BRMS1: variants seen among roughly 807,000 people sequenced by gnomAD.
BRMS1 encodes BRMS1 transcriptional repressor and anoikis regulator.
In BRMS1, 26 loss-of-function variants were observed where a neutral mutation model predicts 40.4. The observed-to-expected ratio is 0.64, with a 90% CI of 0.47 to 0.89. The LOEUF (loss-of-function observed/expected upper bound fraction) is 0.89, where lower values mean the gene tolerates loss of function less well. BRMS1 is among the 40% of genes least tolerant of loss of function. The pLI is 0.00. For synonymous variants in BRMS1, 103 were observed against 116.0 expected (o/e 0.89, Z 0.72); for missense variants, 289 against 309.4 (o/e 0.93, Z 0.49).
In BRMS1 at chr11:66,342,129, C is replaced by T. The variant is rs1159239724; in HGVS notation, c.106G>A (p.Gly36Ser). The T allele has an allele frequency of 3.2e-5, 52 of 1,613,598 alleles. No homozygotes were observed. Among genetic ancestry groups the T allele is most frequent in the Non-Finnish European group, 4.2e-5 (49 of 1,180,002 alleles). The change falls in exon 2 of 10, where the codon GGC becomes AGC. Residue 36 changes from glycine to serine, a missense_variant. Gly to Ser is a moderately conservative substitution (Grantham distance 56). Coordinates refer to ENST00000359957, the MANE Select transcript of BRMS1 (RefSeq NM_015399.4). ...TCCTCTTCTGACTCTGTCTGGCTGC[C>T]GCTCCGCTCCTCCTCACTCTCTTCC... Reference protein sequence around the residue: ...EEEESEEERSGSQTESEEESS... With the variant: ...EEEESEEERSSSQTESEEESS...
intron 1 of BRMS1, among the ~76,000 whole-genome samples, chr11:66,344,433 C>T (rs1261319077): frequency 1.3e-5 from 2 of 152,198 alleles, no homozygotes; most frequent in African/African-American, 2.4e-5. Flanking sequence ...TTCATCTTCC[C>T]GTTATCAAGC....
At chr11:66,344,214 T>C (rs748673906) in intron 1 of BRMS1, among the ~76,000 whole-genome samples, 3 of 152,198 alleles carry the variant, frequency 2.0e-5, no homozygotes, top group Non-Finnish European at 4.4e-5. Context: ...GATTTGCAAA[T>C]ACAAATTTAA....
chr11:66,343,891 C>A (rs1277654493), intron 1 of BRMS1, among the ~76,000 whole-genome samples: 1 of 152,118 alleles, frequency 6.6e-6, no homozygotes, highest in Non-Finnish European at 1.5e-5. Context: ...CCAAGTACTG[C>A]CAAGGAGTAA....
At position 66,341,850 on chromosome 11, in the gene BRMS1, CGTGTACTTGTGTGAAGGGGCTGTGTGTGT is replaced by C. The variant is rs1855088709; in HGVS notation, c.139+217_140-228del. On this transcript the variant is annotated intron_variant, in intron 2 of 9. Coordinates refer to ENST00000359957, the MANE Select transcript of BRMS1 (RefSeq NM_015399.4). This position sits in a 1 kb window ranked among gnomAD's most constrained non-coding sequence, Gnocchi z 4.9. ...TGCTTGTGTGAAGGGGCTGTGTGCA[CGTGTACTTGTGTGAAGGGGCTGTGTGTGT>C]GCATACGTGCTTGTGTGTAGGGGCT... is the stretch of plus-strand genomic sequence containing the variant. The C allele has an allele frequency of 1.7e-6, 1 of 601,744 alleles. No individual in the cohort carries two copies. Among genetic ancestry groups the C allele is most frequent in the Non-Finnish European group, 2.9e-6 (1 of 340,826 alleles). 37.3% of individuals were successfully genotyped at this position (601,744 alleles called of 1,614,324 possible). A position where few individuals can be genotyped will look rare whatever the true frequency, so the allele number is the denominator to read the frequency against.
Position 66,341,377 on chromosome 11 carries a change from C to A in BRMS1, c.231-44G>T, listed in dbSNP as rs761069954. ...GCCGTGCACCCATTTGCTCACCCATCGCTCTTGGGCAAACACATACCCAGC... is the reference window on the plus strand; with the variant it reads ...GCCGTGCACCCATTTGCTCACCCATAGCTCTTGGGCAAACACATACCCAGC... On this transcript the variant is annotated intron_variant, in intron 3 of 9. Coordinates refer to ENST00000359957, the MANE Select transcript of BRMS1 (RefSeq NM_015399.4). The surrounding 1 kb of genome is among the most constrained non-coding windows in gnomAD (Gnocchi z 4.9). 1 of 1,602,938 alleles carries A rather than the reference C, an allele frequency of 6.2e-7. No homozygotes were observed. Among genetic ancestry groups the A allele is most frequent in the African/African-American group, 1.3e-5 (1 of 74,834 alleles).
intron 7 of BRMS1, 100 bp from the exon 8 acceptor site, chr11:66,338,885 G>T: frequency 1.6e-6 from 2 of 1,263,240 alleles, no homozygotes; most frequent in Non-Finnish European, 2.2e-6. Context: ...ACAGCATGGA[G>T]TGGGAGCTGA....
chr11:66,339,243 C>A (rs1855011423), intron 7 of BRMS1, among the ~76,000 whole-genome samples: 1 of 152,200 alleles, frequency 6.6e-6, no homozygotes, highest in African/African-American at 2.4e-5. Flanking sequence ...CTCTCCAGCA[C>A]CAGGTTGCCA....
chr11:66,344,031 C>T (rs960535260), intron 1 of BRMS1, among the ~76,000 whole-genome samples: 1 of 152,186 alleles, frequency 6.6e-6, no homozygotes, highest in Non-Finnish European at 1.5e-5. Context: ...CTGGACACTG[C>T]TTTGTAGTCC....
Position 66,341,343 on chromosome 11 carries a change from A to G in BRMS1, c.231-10T>C. The G allele has an allele frequency of 6.2e-7, 1 of 1,610,380 alleles. No homozygotes were observed. The highest frequency in any genetic ancestry group is 1.1e-5 in the South Asian group (1 of 90,932). ...TCGTTCCCTGAACAACCTGCGTGGT[A>G]AAAAGGCAGCCGTGCACCCATTTGC... On this transcript the variant is annotated splice_polypyrimidine_tract_variant and intron_variant, in intron 3 of 9. Transcript: ENST00000359957. This position sits in a 1 kb window ranked among gnomAD's most constrained non-coding sequence, Gnocchi z 4.9.
Position 66,342,263 on chromosome 11 carries a change from T to C in BRMS1, c.-7-22A>G, listed in dbSNP as rs376892639. On this transcript the variant is annotated intron_variant, in intron 1 of 9. Transcript: ENST00000359957. ...GACTCTGGGAGAAGGAATGGAGCTA[T>C]CACTTATGGCTGCCCACAGCTCAGA... 9 of 1,609,636 alleles carry C rather than the reference T, an allele frequency of 5.6e-6. No individual in the cohort carries two copies. In the African/African-American group the frequency reaches 1.1e-4, roughly 19 times the overall value.
At chr11:66,338,984 C>G (rs1855005282) in intron 7 of BRMS1, among the ~76,000 whole-genome samples, 199 bp from the exon 8 acceptor site, 1 of 152,112 alleles carries the variant, frequency 6.6e-6, no homozygotes, top group Non-Finnish European at 1.5e-5. Context: ...TGGAGGACAC[C>G]AAATGTTGTT....
Position 66,340,221 on chromosome 11 carries a change from G to A in BRMS1, c.536-8C>T, listed in dbSNP as rs202046882. ...GTTTGTCATCCCACCATTCTGCCCCGAGACCCAGAGTTAGAATTGGGGTGC... is the reference window on the plus strand; with the variant it reads ...GTTTGTCATCCCACCATTCTGCCCCAAGACCCAGAGTTAGAATTGGGGTGC... On this transcript the variant is annotated splice_region_variant and splice_polypyrimidine_tract_variant and intron_variant, in intron 6 of 9. Coordinates refer to ENST00000359957, the MANE Select transcript of BRMS1 (RefSeq NM_015399.4). 5.1e-4 allele frequency: 816 copies of A among 1,611,902 alleles called. 1 individual carries two copies. Among genetic ancestry groups the A allele is most frequent in the Middle Eastern group, 3.6e-3 (22 of 6,052 alleles).
intron 6 of BRMS1, 44 bp downstream of exon 6, chr11:66,340,730 C>CT: frequency 6.5e-7 from 1 of 1,541,694 alleles, no homozygotes; most frequent in South Asian, 1.1e-5. Flanking sequence ...TGGGCGTGGA[C>CT]TGAGCGGGGC....
At chr11:66,339,315 C>T (rs1227018564) in intron 7 of BRMS1, among the ~76,000 whole-genome samples, 1 of 152,206 alleles carries the variant, frequency 6.6e-6, no homozygotes, top group East Asian at 1.9e-4. Flanking sequence ...TCAGCTCTGC[C>T]AGGACAGATG....
intron 8 of BRMS1, chr11:66,338,511 C>T (rs554925941): frequency 4.3e-5 from 63 of 1,472,014 alleles, no homozygotes; most frequent in Middle Eastern, 1.8e-4. Context: ...TGCCCCAGAA[C>T]GGGAAGGGGC....
At chr11:66,338,308 CCT>C (rs779741471) in intron 8 of BRMS1, 26 bp from the exon 9 acceptor site, 30 of 1,598,124 alleles carry the variant, frequency 1.9e-5, no homozygotes, top group Non-Finnish European at 2.5e-5. Flanking sequence ...GAAAAGCTCC[CCT>C]GAGAGCCCAC....
intron 5 of BRMS1, 39 bp downstream of exon 5, chr11:66,340,928 G>C (rs1238979192): frequency 6.2e-7 from 1 of 1,613,406 alleles, no homozygotes; most frequent in Non-Finnish European, 8.5e-7. Flanking sequence ...TTCAGGCTTT[G>C]TGCCCTGCCT....
intron 7 of BRMS1, chr11:66,339,830 G>A (rs1437576059): frequency 1.3e-5 from 4 of 316,596 alleles, no homozygotes; most frequent in Non-Finnish European, 2.4e-5. Context: ...AAGAACTCCT[G>A]GGCCCGAGCA....
In BRMS1 at chr11:66,345,057, C is replaced by T. The variant is rs373195934; in HGVS notation, c.-93G>A. 2 of 152,274 alleles carry T rather than the reference C, an allele frequency of 1.3e-5. No individual in the cohort carries two copies. The highest frequency in any genetic ancestry group is 4.8e-5 in the African/African-American group (2 of 41,468). The allele number at this position is 152,274 out of a possible 1,614,324, so 9.4% of individuals were successfully genotyped here. A position where few individuals can be genotyped will look rare whatever the true frequency, so the allele number is the denominator to read the frequency against. ...CGGTACCGGCTGCTGCCGCCGGACTCCCGTAGGCGCTGCGCGGCTCCCTTT... is the reference window on the plus strand; with the variant it reads ...CGGTACCGGCTGCTGCCGCCGGACTTCCGTAGGCGCTGCGCGGCTCCCTTT... On this transcript the variant is annotated 5_prime_UTR_variant, in exon 1 of 10. Transcript: ENST00000359957.
Sources: gnomAD v4.1 joint callset for allele counts (sites outside exome capture counted in the v4.1 genomes callset) on GRCh38, gnomAD v4.1.1 for gene constraint, Gnocchi (gnomAD v3.1) non-coding constraint, MANE v1.5 for transcripts, NCBI Gene and HGNC (gene_info 2026-07-23, HGNC 2026-07-21) for gene names.